Variants in RAPGEF6 observed in about 807,000 individuals in gnomAD.
The protein encoded by RAPGEF6 is PDZ domain containing guanine nucleotide exchange factor (GEF) 2.
In RAPGEF6, 56 loss-of-function variants were observed where a neutral mutation model predicts 171.4. The observed-to-expected ratio is 0.33, with a 90% confidence interval of 0.26 to 0.41. The LOEUF is 0.41. RAPGEF6 is among the 10% of genes least tolerant of loss of function. RAPGEF6 has a pLI of 1.00. For missense variants in RAPGEF6, 1,674 were observed against 1,921.4 expected, an observed-to-expected ratio of 0.87 and a Z score of 2.41; for synonymous variants, 692 against 650.1, an observed-to-expected ratio of 1.06 and a Z score of -0.98.
intron 6 of RAPGEF6, among the ~76,000 whole-genome samples, chr5:131,526,071 T>C (rs1360787242): frequency 2.0e-5 from 3 of 152,224 alleles, no homozygotes; most frequent in African/African-American, 4.8e-5. Flanking sequence ...TTCTACTTTG[T>C]GCCAGGAACT....
At chr5:131,594,872 A>G (rs1174981094) in intron 3 of RAPGEF6, among the ~76,000 whole-genome samples, 1 of 151,432 alleles carries the variant, frequency 6.6e-6, no homozygotes, top group African/African-American at 2.4e-5. Flanking sequence ...GAACAGGAGC[A>G]TTTACCCCAT....
rs75791069 is a variant in RAPGEF6 at position 131,558,879 on chromosome 5, T to G, written c.351+3099A>C. On this transcript the variant is annotated intron_variant, in intron 5 of 27. Transcript: ENST00000509018. ...GCATGTGGTCAAATTTAAAAAACAT[T>G]CCATGTGCACTTGAAAAGTAGGCGT... Among the ~76,000 whole-genome samples, 12 of 152,322 alleles carry G rather than the reference T, an allele frequency of 7.9e-5. No homozygotes were observed. In the East Asian group the frequency reaches 2.3e-3, roughly 29 times the overall value.
intron 21 of RAPGEF6, among the ~76,000 whole-genome samples, chr5:131,448,811 C>T (rs1752880824): frequency 6.6e-6 from 1 of 152,078 alleles, no homozygotes; most frequent in African/African-American, 2.4e-5. Context: ...ACACCCAATG[C>T]CCACTAAAAG....
intron 7 of RAPGEF6, among the ~76,000 whole-genome samples, chr5:131,520,038 A>G (rs1174611758): frequency 6.6e-6 from 1 of 152,246 alleles, no homozygotes; most frequent in Non-Finnish European, 1.5e-5. Flanking sequence ...ACAGGGAGAT[A>G]TAGATGACCA....
chr5:131,436,474 T>C, intron 24 of RAPGEF6: 1 of 1,169,142 alleles, frequency 8.6e-7, no homozygotes, highest in Non-Finnish European at 1.2e-6. Flanking sequence ...AACATCTTGA[T>C]AATATCTGAA....
intron 6 of RAPGEF6, among the ~76,000 whole-genome samples, chr5:131,535,044 C>A (rs77486157): frequency 0.013 from 1,909 of 152,198 alleles, 34 homozygotes; most frequent in African/African-American, 0.044. Flanking sequence ...GAAATGCAAT[C>A]CACTAGTGCC....
intron 4 of RAPGEF6, among the ~76,000 whole-genome samples, chr5:131,569,939 G>T (rs1486193809): frequency 6.6e-6 from 1 of 151,364 alleles, no homozygotes; most frequent in Non-Finnish European, 1.5e-5. Context: ...CTACTTGGGA[G>T]GCTGAGGCAG....
At chr5:131,598,550 C>T (rs1764038355) in intron 3 of RAPGEF6, among the ~76,000 whole-genome samples, 1 of 152,048 alleles carries the variant, frequency 6.6e-6, no homozygotes, top group Non-Finnish European at 1.5e-5. Flanking sequence ...ATCTCAGAAG[C>T]AGTCAGAGGA....
chr5:131,584,815 T>C (rs1763151075), intron 4 of RAPGEF6, among the ~76,000 whole-genome samples: 2 of 152,182 alleles, frequency 1.3e-5, no homozygotes, highest in Admixed American at 6.5e-5. Context: ...TTGGGAGAGA[T>C]GAATTTGAGT....
At chr5:131,433,399 T>C (rs749572834) in intron 25 of RAPGEF6, 31 bp downstream of exon 25, 3 of 1,582,370 alleles carry the variant, frequency 1.9e-6, no homozygotes, top group South Asian at 2.2e-5. Flanking sequence ...GGCTTGGGTT[T>C]TGTGTTATGA....
intron 7 of RAPGEF6, among the ~76,000 whole-genome samples, chr5:131,518,057 A>T (rs778345284): frequency 6.6e-6 from 1 of 151,892 alleles, no homozygotes; most frequent in Non-Finnish European, 1.5e-5. Flanking sequence ...CTACCCACAA[A>T]CCCACCACTA....
At chr5:131,589,761 T>C (rs1763479276) in intron 4 of RAPGEF6, among the ~76,000 whole-genome samples, 1 of 152,224 alleles carries the variant, frequency 6.6e-6, no homozygotes, top group Non-Finnish European at 1.5e-5. Flanking sequence ...CCTCTGCAAT[T>C]GGAGGGCTTC....
At chr5:131,616,708 C>G (rs1210791372) in intron 1 of RAPGEF6, among the ~76,000 whole-genome samples, 1 of 152,164 alleles carries the variant, frequency 6.6e-6, no homozygotes, top group African/African-American at 2.4e-5. Context: ...TCACGACTCA[C>G]TGCAGCCTCA....
intron 4 of RAPGEF6, among the ~76,000 whole-genome samples, chr5:131,563,845 T>C (rs1396385011): frequency 6.6e-6 from 1 of 152,146 alleles, no homozygotes; most frequent in Non-Finnish European, 1.5e-5. Context: ...TATCTTTTGT[T>C]TCCCCCAAAT....
chr5:131,517,214 C>T (rs115362995), intron 7 of RAPGEF6, among the ~76,000 whole-genome samples: 393 of 152,194 alleles, frequency 2.6e-3, no homozygotes, highest in Admixed American at 4.2e-3. Flanking sequence ...ACACTCAGCA[C>T]CACGCAATAT....
chr5:131,482,796 T>G (rs527546401), intron 15 of RAPGEF6, among the ~76,000 whole-genome samples: 1 of 152,314 alleles, frequency 6.6e-6, no homozygotes, highest in South Asian at 2.1e-4. Flanking sequence ...CAAGTCATCT[T>G]GTAAAAAGAA....
intron 3 of RAPGEF6, among the ~76,000 whole-genome samples, chr5:131,601,025 G>A (rs1318697710): frequency 6.0e-5 from 9 of 150,452 alleles, no homozygotes; most frequent in East Asian, 1.9e-4. Context: ...TGAAGCAGGA[G>A]GATCTCTTGA....
chr5:131,508,426 A>G (rs554882322), intron 8 of RAPGEF6, among the ~76,000 whole-genome samples: 121 of 152,344 alleles, frequency 7.9e-4, no homozygotes, highest in Middle Eastern at 3.4e-3. Context: ...ATATTGGAAG[A>G]TAACAGAATT....
At chr5:131,547,506 T>C (rs943043062) in intron 6 of RAPGEF6, among the ~76,000 whole-genome samples, 3 of 148,788 alleles carry the variant, frequency 2.0e-5, no homozygotes, top group African/African-American at 7.4e-5. Context: ...AGACACAGCT[T>C]ACTTTTTTTT....
Sources: allele counts gnomAD v4.1 joint callset (sites outside exome capture counted in the v4.1 genomes callset), GRCh38; gene constraint gnomAD v4.1.1; transcripts MANE v1.5; gene names NCBI Gene and HGNC (gene_info 2026-07-23, HGNC 2026-07-21).